Variants in EVC2 observed in about 807,000 individuals in gnomAD.
EVC2 encodes the protein EvC ciliary complex subunit 2.
EVC2 carries 148 observed loss-of-function variants against 149.3 expected under a neutral mutation model. The observed-to-expected ratio is 0.99, with a 90% CI of 0.87 to 1.14. The LOEUF (loss-of-function observed/expected upper bound fraction) is 1.14, where lower values mean the gene tolerates loss of function less well. Ranked by LOEUF, EVC2 falls within the 50% of genes most tolerant of loss-of-function variation. The probability of loss-of-function intolerance (pLI) is 0.00; values close to 1 mark genes in which losing one functional copy is unlikely to be tolerated. For missense variants in EVC2, 1,854 were observed against 1,627.3 expected, an observed-to-expected ratio of 1.14 and a Z score of -2.40; for synonymous variants, 776 against 649.9, an observed-to-expected ratio of 1.19 and a Z score of -2.95.
At chr4:5,601,127 G>A (rs543220705) in intron 16 of EVC2, among the ~76,000 whole-genome samples, 5 of 152,226 alleles carry the variant, frequency 3.3e-5, no homozygotes, top group East Asian at 3.9e-4. Flanking sequence ...TACAGAGTGC[G>A]CAGCCCAGCC....
intron 14 of EVC2, among the ~76,000 whole-genome samples, chr4:5,620,803 A>G (rs1422637915): frequency 6.6e-6 from 1 of 152,220 alleles, no homozygotes; most frequent in Admixed American, 6.5e-5. Context: ...GAAGTTGAAG[A>G]AAATGACCAG....
chr4:5,685,653 G>A (rs551851409), intron 5 of EVC2, among the ~76,000 whole-genome samples, 174 bp from the exon 6 acceptor site: 2 of 152,356 alleles, frequency 1.3e-5, no homozygotes, highest in East Asian at 3.9e-4. Context: ...CTGGGTGTGG[G>A]GAGGGAATTC....
intron 21 of EVC2, 53 bp from the exon 22 acceptor site, chr4:5,563,168 G>C: frequency 6.5e-7 from 1 of 1,542,364 alleles, no homozygotes; most frequent in South Asian, 1.1e-5. Context: ...GAACCCTCTG[G>C]AGTGTTCTGA....
downstream of EVC2, among the ~76,000 whole-genome samples, chr4:5,540,906 T>A (rs902851456): frequency 2.0e-4 from 30 of 152,140 alleles, no homozygotes; most frequent in African/African-American, 7.0e-4. Flanking sequence ...GTGGACACCA[T>A]CTACTGCTGG....
rs1722370086 is a variant in EVC2 at position 5,567,624 on chromosome 4, C to A, written c.3557+820G>T. Among the ~76,000 whole-genome samples, 1 of 152,074 alleles carries A rather than the reference C, an allele frequency of 6.6e-6. No homozygotes were observed. Among genetic ancestry groups the A allele is most frequent in the South Asian group, 2.1e-4 (1 of 4,814 alleles). ...AAACCCGCCTTACTCCACACCCCTT[C>A]CTGCCTTTCCCCATAAAAAGCCTTT... is the stretch of plus-strand genomic sequence containing the variant. On this transcript the variant is annotated intron_variant, in intron 20 of 21. Coordinates refer to ENST00000344408, the MANE Select transcript of EVC2 (RefSeq NM_147127.5). This position sits in a 1 kb window ranked among gnomAD's most constrained non-coding sequence, Gnocchi z 4.4.
Position 5,613,011 on chromosome 4 carries a change from G to C in EVC2, c.2829+2411C>G, listed in dbSNP as rs1450838090. ...AGGGGCCAGGGAGGGGTTATGGAGGGTGTTGAGGTCCAGCCTTGAGCCACT... is the reference window on the plus strand; with the variant it reads ...AGGGGCCAGGGAGGGGTTATGGAGGCTGTTGAGGTCCAGCCTTGAGCCACT... On this transcript the variant is annotated intron_variant, in intron 16 of 21. Transcript: ENST00000344408. This position sits in a 1 kb window ranked among gnomAD's most constrained non-coding sequence, Gnocchi z 4.6. Among the ~76,000 whole-genome samples, 1 of 151,916 alleles carries C rather than the reference G, an allele frequency of 6.6e-6. No homozygotes were observed. The highest frequency in any genetic ancestry group is 1.5e-5 in the Non-Finnish European group (1 of 67,960).
Position 5,686,488 on chromosome 4 carries a change from C to T in EVC2, c.707-1009G>A, listed in dbSNP as rs1053046942. ...CATACAGTGATTTCATCACTCTCCA[C>T]GTGCTGCACCTGCATTAACCCAGCT... On this transcript the variant is annotated intron_variant, in intron 5 of 21. Coordinates refer to ENST00000344408, the MANE Select transcript of EVC2 (RefSeq NM_147127.5). This position sits in a 1 kb window ranked among gnomAD's most constrained non-coding sequence, Gnocchi z 5.4. Among the ~76,000 whole-genome samples the T allele has an allele frequency of 4.6e-5, 7 of 152,190 alleles. No homozygotes were observed. The highest frequency in any genetic ancestry group is 9.7e-5 in the African/African-American group (4 of 41,442).
chr4:5,584,444 C>A (rs1029492151), intron 17 of EVC2, among the ~76,000 whole-genome samples, 179 bp downstream of exon 17: 4 of 152,118 alleles, frequency 2.6e-5, no homozygotes, highest in East Asian at 3.9e-4. Context: ...TGAAATAGAG[C>A]CATCTTTGGT....
chr4:5,603,714 AAT>A (rs1714173872), intron 16 of EVC2, among the ~76,000 whole-genome samples: 5 of 152,208 alleles, frequency 3.3e-5, no homozygotes, highest in Admixed American at 2.0e-4. Flanking sequence ...ACAGTGAATG[AAT>A]AGTGGATGGG....
At chr4:5,596,795 C>G (rs755601683) in intron 16 of EVC2, among the ~76,000 whole-genome samples, 1 of 151,930 alleles carries the variant, frequency 6.6e-6, no homozygotes, top group African/African-American at 2.4e-5. Context: ...CTGAAAGGAT[C>G]AACAAAACTG....
the EVC2 span, among the ~76,000 whole-genome samples, chr4:5,533,345 G>A: frequency 5.6e-4 from 85 of 152,328 alleles, no homozygotes; most frequent in East Asian, 0.016. Context: ...AAGGCCTGGA[G>A]GCAGCCACAG....
chr4:5,709,493 C>T (rs1372911940), upstream of EVC2: 1 of 152,200 alleles, frequency 6.6e-6, no homozygotes, highest in African/African-American at 2.4e-5. Flanking sequence ...AAGGACAGGC[C>T]TTTCCTGACC....
At chr4:5,587,376 GT>G (rs1712379853) in intron 16 of EVC2, among the ~76,000 whole-genome samples, 1 of 152,186 alleles carries the variant, frequency 6.6e-6, no homozygotes, top group African/African-American at 2.4e-5. Flanking sequence ...AACCTTTTGT[GT>G]CTGGCTTCTT....
intron 9 of EVC2, among the ~76,000 whole-genome samples, chr4:5,651,544 T>G (rs537760844): frequency 6.6e-6 from 1 of 152,108 alleles, no homozygotes; most frequent in African/African-American, 2.4e-5. Flanking sequence ...GGTAGGTAGA[T>G]AGAGAAATAA....
At chr4:5,600,938 G>C (rs1482964692) in intron 16 of EVC2, among the ~76,000 whole-genome samples, 1 of 152,156 alleles carries the variant, frequency 6.6e-6, no homozygotes, top group Non-Finnish European at 1.5e-5. Flanking sequence ...AAAACACAGG[G>C]TCCTAGTGAA....
chr4:5,550,079 G>C (rs900038236), intron 21 of EVC2, among the ~76,000 whole-genome samples: 2 of 152,114 alleles, frequency 1.3e-5, no homozygotes, highest in African/African-American at 4.8e-5. Flanking sequence ...TGTATAAATT[G>C]CCCAGTCTCG....
At chr4:5,544,446 C>T (rs1721574794) in intron 21 of EVC2, among the ~76,000 whole-genome samples, 1 of 152,126 alleles carries the variant, frequency 6.6e-6, no homozygotes, top group South Asian at 2.1e-4. Context: ...ACAAGAGGTG[C>T]AATTCTGTGG....
At chr4:5,536,684 T>C in the EVC2 span, among the ~76,000 whole-genome samples, 12 of 151,790 alleles carry the variant, frequency 7.9e-5, no homozygotes, top group African/African-American at 2.9e-4. Flanking sequence ...CTCGGGATGC[T>C]GAGGCAGGAG....
chr4:5,683,897 C>A (rs1001134621), intron 6 of EVC2, among the ~76,000 whole-genome samples: 2 of 151,614 alleles, frequency 1.3e-5, no homozygotes, highest in Non-Finnish European at 2.9e-5. Flanking sequence ...CACAGCTACA[C>A]GGGAACACAC....
Sources: allele counts gnomAD v4.1 joint callset (sites outside exome capture counted in the v4.1 genomes callset), GRCh38; gene constraint gnomAD v4.1.1; non-coding constraint Gnocchi (gnomAD v3.1); transcripts MANE v1.5; gene names NCBI Gene and HGNC (gene_info 2026-07-23, HGNC 2026-07-21).